Variants in FLNA observed in about 807,000 individuals in gnomAD.
FLNA encodes the protein filamin-A.
FLNA carries 7 observed loss-of-function variants against 157.6 expected under a neutral mutation model. The ratio of observed to expected loss-of-function variants is 0.04; its 90% CI spans 0.03 to 0.08. The LOEUF (loss-of-function observed/expected upper bound fraction) is 0.08, where lower values mean the gene tolerates loss of function less well. Among genes scored for constraint, FLNA ranks in the 10% least tolerant of loss-of-function variants. The pLI is 1.00. For missense variants in FLNA, 1,750 were observed against 2,398.4 expected, an observed-to-expected ratio of 0.73 and a Z score of 5.65; for synonymous variants, 1,103 against 1,060.8, an observed-to-expected ratio of 1.04 and a Z score of -0.77.
At chrX:154,356,140 C>G (rs2067660997) in intron 30 of FLNA, among the ~76,000 whole-genome samples, 1 of 112,127 alleles carries the variant, frequency 8.9e-6, no homozygotes, top group African/African-American at 3.2e-5. Flanking sequence ...TGGCTTGGGC[C>G]CCAACCTCAC....
rs376365461 is a variant in FLNA, at chrX:154,368,130, G to A, written c.374-40C>T. On this transcript the variant is annotated intron_variant, in intron 2 of 47. Coordinates refer to ENST00000369850, the MANE Select transcript of FLNA (RefSeq NM_001110556.2). Reference sequence around the variant, plus strand: ...GTGGCCACGCTGGGCACACGGCTGTGCGGGAGGGGCCGATCCCAGGCTTTG... The same window carrying A: ...GTGGCCACGCTGGGCACACGGCTGTACGGGAGGGGCCGATCCCAGGCTTTG... 6 of 1,207,794 alleles carry A rather than the reference G, an allele frequency of 5.0e-6. No individual in the cohort carries two copies. In the African/African-American group the frequency reaches 7.0e-5, roughly 14 times the overall value.
Position 154,360,237 on chromosome X carries a change from C to T in FLNA, c.3558G>A (p.Ser1186=), listed in dbSNP as rs376381443. 9.9e-6 allele frequency: 12 copies of T among 1,211,642 alleles called. No homozygotes were observed. The South Asian group carries it at 1.4e-4, about 14-fold the overall frequency. The change falls in exon 22 of 48, where the codon TCG becomes TCA. Residue 1186 remains serine (S), a synonymous_variant. Transcript: ENST00000369850. ...TGGTCAGCTCCGCGCTGCCCGCGCT[C>T]GAGCAGTCCACTTGGAATTGGCCCA... is the stretch of plus-strand genomic sequence containing the variant. ...GEVGQFQVDC[S]SAGSAELTIE... is the part of the protein sequence containing the mutation.
rs782689584 is a variant in FLNA at position 154,351,604 on chromosome X, G to A, written c.7000C>T (p.Arg2334Cys). Residue 2334 changes from arginine (R) to cysteine (C), a missense_variant, in exon 43 of 48, where the codon CGC becomes TGC. Coordinates refer to ENST00000369850, the MANE Select transcript of FLNA (RefSeq NM_001110556.2). ...ACCTGAAGGCTAGAAACAGTGAGGCGGCGGGCGTCGCCAGACGGAGAAGCC... is the reference window on the plus strand; with the variant it reads ...ACCTGAAGGCTAGAAACAGTGAGGCAGCGGGCGTCGCCAGACGGAGAAGCC... The part of the protein sequence containing the change: ...PVASPSGDAR[R>C]LTVSSLQESG... The A allele has an allele frequency of 1.2e-5, 14 of 1,204,551 alleles. No individual in the cohort carries two copies. In the East Asian group the frequency reaches 2.4e-4, roughly 20 times the overall value.
rs1557180314 is a variant in FLNA, at chrX:154,371,270, G to A, written c.-25C>T. ...TTTTGAGGCGCGAGAAGCCGGGGGG[G>A]CGGTGCTGCAGCCTCGGCGAGGGGA... On this transcript the variant is annotated 5_prime_UTR_variant, in exon 2 of 48. Coordinates refer to ENST00000369850, the MANE Select transcript of FLNA (RefSeq NM_001110556.2). 8.4e-7 allele frequency: 1 copy of A among 1,196,957 alleles called. No individual in the cohort carries two copies. Among genetic ancestry groups the A allele is most frequent in the Non-Finnish European group, 1.1e-6 (1 of 891,188 alleles).
Position 154,360,410 on chromosome X carries a change from T to C in FLNA, c.3385A>G (p.Thr1129Ala), listed in dbSNP as rs781896973. Reference sequence around the variant, plus strand: ...TTGATGTTGTAGTCCCCGGGCTCGGTGGGCACGTAGGACACGGAACATGTG... The same window carrying C: ...TTGATGTTGTAGTCCCCGGGCTCGGCGGGCACGTAGGACACGGAACATGTG... ...DGTCSVSYVP[T>A]EPGDYNINIL... Residue 1129 changes from threonine (T) to alanine (A), a missense_variant, in exon 22 of 48, where the codon ACC (threonine) becomes GCC (alanine). Transcript: ENST00000369850. 8.3e-7 allele frequency: 1 copy of C among 1,211,466 alleles called. No homozygotes were observed. Among genetic ancestry groups the C allele is most frequent in the Admixed American group, 2.2e-5 (1 of 46,166 alleles).
At position 154,364,568 on chromosome X, in the gene FLNA, C is replaced by T. The variant is rs1557178745; in HGVS notation, c.1980G>A (p.Met660Ile). 2 of 1,211,147 alleles carry T rather than the reference C, an allele frequency of 1.7e-6. No individual in the cohort carries two copies. The highest frequency in any genetic ancestry group is 3.0e-5 in the East Asian group (1 of 33,842). The change falls in exon 13 of 48, where the codon ATG becomes ATA. Residue 660 changes from methionine to isoleucine, a missense_variant. This residue lies in a region of FLNA where 648 missense variants were observed against 805.8 expected (regional missense o/e 0.80). Coordinates refer to ENST00000369850, the MANE Select transcript of FLNA (RefSeq NM_001110556.2). ...NSEDIRLSPF[M>I]ADIRDAPQDF... ...CCTGGGGCGCGTCACGGATGTCAGC[C>T]ATGAAGGGGCTGAGGCGGATGTCTT...
intron 1 of FLNA, among the ~76,000 whole-genome samples, chrX:154,371,999 C>A (rs963105253): frequency 2.6e-5 from 3 of 113,934 alleles, no homozygotes; most frequent in African/African-American, 6.4e-5. Context: ...CCCCGCAGAC[C>A]CCCTGCCACG....
rs1557175149 is a variant in FLNA at position 154,348,924 on chromosome X, C to T, written c.7869G>A (p.Lys2623=). The change falls in exon 48 of 48, where the codon AAG becomes AAA. Residue 2623 remains lysine, a synonymous_variant. Coordinates refer to ENST00000369850, the MANE Select transcript of FLNA (RefSeq NM_001110556.2). The part of the protein sequence containing the change: ...LYSVSYLLKD[K]GEYTLVVKWG... The stretch of plus-strand genomic sequence containing the variant: ...ATTTGACCACCAGTGTGTACTCCCC[C>T]TTGTCCTTGAGCAGGTAGGACACGC... The T allele has an allele frequency of 9.1e-6, 11 of 1,211,321 alleles. No homozygotes were observed. Among genetic ancestry groups the T allele is most frequent in the Non-Finnish European group, 1.0e-5 (9 of 895,093 alleles).
chrX:154,350,437 A>T, intron 44 of FLNA: 1 of 438,562 alleles, frequency 2.3e-6, no homozygotes, highest in Non-Finnish European at 4.0e-6. Flanking sequence ...TTTACAAGCC[A>T]AACCCAGGCC....
At position 154,359,896 on chromosome X, in the gene FLNA, C is replaced by T. The variant is rs2067691676; in HGVS notation, c.3815G>A (p.Arg1272His). The T allele has an allele frequency of 3.3e-6, 4 of 1,209,129 alleles. No homozygotes were observed. The highest frequency in any genetic ancestry group is 4.5e-6 in the Non-Finnish European group (4 of 894,894). The change falls in exon 23 of 48, where the codon CGT (arginine) becomes CAT (histidine). Residue 1272 changes from arginine to histidine, a missense_variant. Around this residue, in one of 5 missense-constraint regions of FLNA, gnomAD observed 970 missense variants for 1,302.6 expected, o/e 0.74. Coordinates refer to ENST00000369850, the MANE Select transcript of FLNA (RefSeq NM_001110556.2). ...GPGIEGQGVF[R>H]EATTEFSVDA... ...CACACTGAACTCAGTGGTGGCCTCA[C>T]GGAAGACACCTGCAAAGGCACAGAG...
intron 2 of FLNA, 89 bp downstream of exon 2, chrX:154,370,784 G>C (rs1414808407): frequency 3.2e-5 from 32 of 997,847 alleles, no homozygotes; most frequent in East Asian, 6.6e-5. Flanking sequence ...GGCCCGGAAG[G>C]GGGTGGTTTG....
In FLNA at chrX:154,370,332, G is replaced by C. The variant is rs782064635; in HGVS notation, c.373+541C>G. 9.8e-5 allele frequency among the ~76,000 whole-genome samples: 11 copies of C among 112,369 alleles called. No homozygotes were observed. In the South Asian group the frequency reaches 4.0e-3, roughly 41 times the overall value. On this transcript the variant is annotated intron_variant, in intron 2 of 47. Coordinates refer to ENST00000369850, the MANE Select transcript of FLNA (RefSeq NM_001110556.2). ...CCCCAGGTTGCCTGTGTGTGTGTGG[G>C]GGGGTAGATCTAAACTGGTGGTTGG...
In FLNA at chrX:154,359,978, A is replaced by C; in HGVS notation, c.3805+12T>G. 3 of 1,206,600 alleles carry C rather than the reference A, an allele frequency of 2.5e-6. No homozygotes were observed. The highest frequency in any genetic ancestry group is 3.4e-6 in the Non-Finnish European group (3 of 891,415). ...TGTCCCCCGTCACATACCCCACGGCAGGGCAACTCACCCTGGCCCTCAATA... is the reference window on the plus strand; with the variant it reads ...TGTCCCCCGTCACATACCCCACGGCCGGGCAACTCACCCTGGCCCTCAATA... On this transcript the variant is annotated intron_variant, in intron 22 of 47. Transcript: ENST00000369850.
rs1202752199 is a variant in FLNA at position 154,348,780 on chromosome X, G to A, written c.*69C>T. Reference sequence around the variant, plus strand: ...CAGGGCGGCCTGGGCCGGGGTTGAGGGGAAGAGGGCGGGGCTGCTTGGGTA... The same window carrying A: ...CAGGGCGGCCTGGGCCGGGGTTGAGAGGAAGAGGGCGGGGCTGCTTGGGTA... On this transcript the variant is annotated 3_prime_UTR_variant, in exon 48 of 48. Transcript: ENST00000369850. 6 of 1,067,343 alleles carry A rather than the reference G, an allele frequency of 5.6e-6. No homozygotes were observed. Among genetic ancestry groups the A allele is most frequent in the South Asian group, 4.2e-5 (2 of 47,660 alleles). 88.0% of individuals were successfully genotyped at this position (1,067,343 alleles called of 1,213,427 possible).
At chrX:154,359,204 G>A (rs1557177434) in intron 25 of FLNA, 42 bp downstream of exon 25, 13 of 1,208,811 alleles carry the variant, frequency 1.1e-5, no homozygotes, top group Admixed American at 4.4e-5. Context: ...GGGTGGGGAC[G>A]AGCAGACAGT....
chrX:154,369,120 G>A (rs2067784856), intron 2 of FLNA, among the ~76,000 whole-genome samples: 1 of 112,583 alleles, frequency 8.9e-6, no homozygotes, highest in Admixed American at 9.3e-5. Flanking sequence ...CTATGAGGAG[G>A]GGCTGGGCTG....
In FLNA at chrX:154,352,442, T is replaced by C. The variant is rs2148104173; in HGVS notation, c.6508A>G (p.Ser2170Gly). The change falls in exon 41 of 48, where the codon AGC becomes GGC. Residue 2170 changes from serine to glycine, a missense_variant. Coordinates refer to ENST00000369850, the MANE Select transcript of FLNA (RefSeq NM_001110556.2). ...ACCTGGGCTGTCATATCCTGGATGC[T>C]AATTTCTGCAGGGTGGGGATGGGCT... is the stretch of plus-strand genomic sequence containing the variant. ...CDLSLKIPEI[S>G]IQDMTAQVTS... 1 of 1,211,680 alleles carries C rather than the reference T, an allele frequency of 8.3e-7. No homozygotes were observed. Among genetic ancestry groups the C allele is most frequent in the East Asian group, 3.0e-5 (1 of 33,847 alleles).
At chrX:154,370,586 C>A (rs1030046390) in intron 2 of FLNA, among the ~76,000 whole-genome samples, 5 of 113,116 alleles carry the variant, frequency 4.4e-5, no homozygotes, top group Non-Finnish European at 9.4e-5. Flanking sequence ...ACTCCCACCG[C>A]GAGCACAGCC....
At chrX:154,350,358 G>C in intron 44 of FLNA, 151 bp from the exon 45 acceptor site, 2 of 502,061 alleles carry the variant, frequency 4.0e-6, no homozygotes, top group Non-Finnish European at 6.8e-6. Flanking sequence ...CCCCGCAGCA[G>C]ACCTCCTGAG....
Sources: allele counts gnomAD v4.1 joint callset (sites outside exome capture counted in the v4.1 genomes callset), GRCh38; gene constraint gnomAD v4.1.1; regional missense constraint gnomAD v4.1.1; transcripts MANE v1.5; gene names NCBI Gene and HGNC (gene_info 2026-07-23, HGNC 2026-07-21).